Variants in EIF2A observed in about 807,000 individuals in gnomAD.
EIF2A encodes the protein 65 kDa eukaryotic translation initiation factor 2A.
In EIF2A, 62 loss-of-function variants were observed where a neutral mutation model predicts 75.2. The ratio of observed to expected loss-of-function variants is 0.82; its 90% CI spans 0.67 to 1.02. The LOEUF is 1.02. Among genes scored for constraint, EIF2A ranks in the 50% least tolerant of loss-of-function variants. The probability of loss-of-function intolerance (pLI) is 0.00; values close to 1 mark genes in which losing one functional copy is unlikely to be tolerated. For synonymous variants in EIF2A, 207 were observed against 239.0 expected, an observed-to-expected ratio of 0.87 and a Z score of 1.23; for missense variants, 611 against 677.7, an observed-to-expected ratio of 0.90 and a Z score of 1.09.
chr3:150,559,013 C>T (rs200955600), intron 3 of EIF2A, among the ~76,000 whole-genome samples: 3 of 152,096 alleles, frequency 2.0e-5, no homozygotes, highest in East Asian at 3.9e-4. Context: ...GAAAACCAGT[C>T]CTTTTTAATT....
rs1724581255 is a variant in EIF2A at position 150,572,367 on chromosome 3, A to G, written c.1221A>G (p.Glu407=). ...AGTATGATGTGCCATCAAATGCAGA[A>G]TTATGGCAGGTTTCTTGGCAGCCAT... ...LHKYDVPSNA[E]LWQVSWQPFL... Residue 407 remains glutamate, a synonymous_variant, in exon 10 of 14, where the codon GAA becomes GAG. Coordinates refer to ENST00000460851, the MANE Select transcript of EIF2A (RefSeq NM_032025.5). 2 of 1,613,912 alleles carry G rather than the reference A, an allele frequency of 1.2e-6. No individual in the cohort carries two copies. Among genetic ancestry groups the G allele is most frequent in the Admixed American group, 1.7e-5 (1 of 60,008 alleles).
At chr3:150,561,148 G>A (rs980211178) in intron 3 of EIF2A, among the ~76,000 whole-genome samples, 2 of 151,998 alleles carry the variant, frequency 1.3e-5, no homozygotes, top group African/African-American at 4.8e-5. Context: ...TTTTTTAATT[G>A]AGATGGGATC....
At chr3:150,546,858 C>G in intron 1 of EIF2A, 28 bp downstream of exon 1, 2 of 1,610,754 alleles carry the variant, frequency 1.2e-6, no homozygotes, top group Non-Finnish European at 1.7e-6. Flanking sequence ...GAGGGACTCT[C>G]TTTCTTCAGA....
intron 11 of EIF2A, among the ~76,000 whole-genome samples, chr3:150,578,287 ATTAT>A (rs1724981857): frequency 1.4e-5 from 2 of 144,476 alleles, no homozygotes; most frequent in Non-Finnish European, 3.0e-5. Context: ...TATGATTATA[ATTAT>A]TAATAATTAT....
At chr3:150,556,665 T>C (rs1723586912) in intron 2 of EIF2A, among the ~76,000 whole-genome samples, 1 of 152,192 alleles carries the variant, frequency 6.6e-6, no homozygotes, top group Non-Finnish European at 1.5e-5. Flanking sequence ...TGATGATGAG[T>C]GCATAGGTGG....
chr3:150,554,225 C>T (rs888660742), intron 2 of EIF2A, among the ~76,000 whole-genome samples: 49 of 151,648 alleles, frequency 3.2e-4, no homozygotes, highest in African/African-American at 1.2e-3. Context: ...AAAAATCCCC[C>T]CTCCGTTTAA....
At chr3:150,582,150 GC>G (rs1357190679) in intron 12 of EIF2A, among the ~76,000 whole-genome samples, 7 of 151,108 alleles carry the variant, frequency 4.6e-5, no homozygotes, top group Non-Finnish European at 8.9e-5. Flanking sequence ...ACAGGTGTGC[GC>G]CACCACGCCT....
intron 3 of EIF2A, among the ~76,000 whole-genome samples, chr3:150,560,371 T>TA (rs1335625103): frequency 6.6e-6 from 1 of 152,252 alleles, no homozygotes; most frequent in Non-Finnish European, 1.5e-5. Context: ...AAACCGTTAC[T>TA]GATTCTTCCT....
chr3:150,576,649 G>C lies in EIF2A; in HGVS notation c.1497+887G>C, dbSNP rs547581855. Among the ~76,000 whole-genome samples the C allele has an allele frequency of 9.2e-5, 14 of 152,218 alleles. 1 individual carries two copies. In the South Asian group the frequency reaches 1.7e-3, roughly 18 times the overall value. On this transcript the variant is annotated intron_variant, in intron 11 of 13. Coordinates refer to ENST00000460851, the MANE Select transcript of EIF2A (RefSeq NM_032025.5). ...CATGTTACTTGCTGTAGACCCTTTTGGTGGCACTTGTGTGAAGTGGTGTAG... is the reference window on the plus strand; with the variant it reads ...CATGTTACTTGCTGTAGACCCTTTTCGTGGCACTTGTGTGAAGTGGTGTAG...
chr3:150,576,864 C>T (rs1423626080), intron 11 of EIF2A, among the ~76,000 whole-genome samples: 1 of 152,162 alleles, frequency 6.6e-6, no homozygotes, highest in East Asian at 1.9e-4. Flanking sequence ...AAAGCCACAC[C>T]AGTGTAAATA....
At chr3:150,558,198 C>T (rs1723665465) in intron 2 of EIF2A, among the ~76,000 whole-genome samples, 190 bp from the exon 3 acceptor site, 2 of 152,166 alleles carry the variant, frequency 1.3e-5, no homozygotes, top group African/African-American at 2.4e-5. Context: ...AAATCATTTT[C>T]CAGCTTACTT....
chr3:150,562,958 A>G (rs1723967765), intron 4 of EIF2A: 1 of 210,332 alleles, frequency 4.8e-6, no homozygotes, highest in South Asian at 8.4e-5. Context: ...ATTTCTGAAG[A>G]TTAAGAATAA....
At chr3:150,554,327 C>G (rs1723459472) in intron 2 of EIF2A, among the ~76,000 whole-genome samples, 1 of 151,958 alleles carries the variant, frequency 6.6e-6, no homozygotes, top group Admixed American at 6.6e-5. Flanking sequence ...ATTTATCTTG[C>G]CTTTCTTATA....
rs1358220231 is a variant in EIF2A, at chr3:150,568,036, G to T, written c.684G>T (p.Trp228Cys). 2 of 1,604,176 alleles carry T rather than the reference G, an allele frequency of 1.2e-6. No homozygotes were observed. The highest frequency in any genetic ancestry group is 1.7e-6 in the Non-Finnish European group (2 of 1,177,380). The change falls in exon 8 of 14, where the codon TGG becomes TGT. Residue 228 changes from tryptophan (W) to cysteine (C), a missense_variant. Coordinates refer to ENST00000460851, the MANE Select transcript of EIF2A (RefSeq NM_032025.5). ...FFKADKVTML[W>C]NKKATAVLVI... Reference sequence around the variant, plus strand: ...AGGCAGATAAAGTTACAATGCTGTGGAATAAAAAAGGTATGTTAAGTATAT... The same window carrying T: ...AGGCAGATAAAGTTACAATGCTGTGTAATAAAAAAGGTATGTTAAGTATAT...
intron 10 of EIF2A, among the ~76,000 whole-genome samples, chr3:150,573,163 C>T (rs1242576262): frequency 1.3e-5 from 2 of 152,072 alleles, no homozygotes. Flanking sequence ...ATTCTTTGAT[C>T]CATAAAAGTA....
chr3:150,554,177 G>A (rs748200378), intron 2 of EIF2A, among the ~76,000 whole-genome samples: 7 of 152,162 alleles, frequency 4.6e-5, no homozygotes, highest in Non-Finnish European at 8.8e-5. Flanking sequence ...ATTATGAATA[G>A]AAAGATAAAG....
At position 150,558,415 on chromosome 3, in the gene EIF2A, T is replaced by C. The variant is rs946502160; in HGVS notation, c.126T>C (p.Cys42=). ...AATCTGGGAAGAATTGCAAAGTCTG[T>C]ATCTTTAGTAAGGATGGGACCTTGT... The part of the protein sequence containing the change: ...PRESGKNCKV[C]IFSKDGTLFA... Residue 42 remains cysteine, a synonymous_variant, in exon 3 of 14, where the codon TGT becomes TGC. Coordinates refer to ENST00000460851, the MANE Select transcript of EIF2A (RefSeq NM_032025.5). The C allele has an allele frequency of 5.2e-6, 8 of 1,527,658 alleles. No homozygotes were observed. Among genetic ancestry groups the C allele is most frequent in the African/African-American group, 2.9e-5 (2 of 69,768 alleles). The allele number at this position is 1,527,658 out of a possible 1,614,324, so 94.6% of individuals were successfully genotyped here.
At chr3:150,552,003 A>G (rs1723340857) in intron 1 of EIF2A, among the ~76,000 whole-genome samples, 1 of 152,180 alleles carries the variant, frequency 6.6e-6, no homozygotes. Flanking sequence ...TCCATTTTAC[A>G]GATTAGGTCA....
At chr3:150,579,355 A>T (rs1725047035) in intron 11 of EIF2A, among the ~76,000 whole-genome samples, 1 of 152,170 alleles carries the variant, frequency 6.6e-6, no homozygotes, top group Non-Finnish European at 1.5e-5. Context: ...ATTTGTTTTC[A>T]TGTAGAAGGT....
Sources: allele counts gnomAD v4.1 joint callset (sites outside exome capture counted in the v4.1 genomes callset), GRCh38; gene constraint gnomAD v4.1.1; transcripts MANE v1.5; gene names NCBI Gene and HGNC (gene_info 2026-07-23, HGNC 2026-07-21).